PALM2AKAP2: variants seen among roughly 807,000 people sequenced by gnomAD.
PALM2AKAP2 encodes the protein PALM2 and AKAP2 fusion.
Under a neutral mutation model 71.5 loss-of-function variants are expected in PALM2AKAP2, and 37 were observed. The ratio of observed to expected loss-of-function variants is 0.52; its 90% CI spans 0.40 to 0.68. The LOEUF is 0.68. PALM2AKAP2 is among the 30% of genes least tolerant of loss of function. PALM2AKAP2 has a pLI of 0.00. For missense variants in PALM2AKAP2, 1,224 were observed against 1,191.8 expected (o/e 1.03, Z -0.40); for synonymous variants, 468 against 478.8 (o/e 0.98, Z 0.29).
intron 7 of PALM2AKAP2, chr9:110,025,400 T>C (rs1165484772): frequency 2.6e-5 from 4 of 154,180 alleles, no homozygotes; most frequent in Non-Finnish European, 5.1e-5. Flanking sequence ...CCCGAAAGGC[T>C]TTTTTTTTTT....
chr9:109,934,798 A>C (rs1172192632), intron 6 of PALM2AKAP2, among the ~76,000 whole-genome samples: 2 of 152,228 alleles, frequency 1.3e-5, no homozygotes, highest in Non-Finnish European at 1.5e-5. Context: ...TGAAATGTTC[A>C]GTCTGTTTCC....
At chr9:109,867,160 T>TTC (rs376077604) in intron 1 of PALM2AKAP2, 6,647 of 394,210 alleles carry the variant, frequency 0.017, 116 homozygotes, top group African/African-American at 0.034. Flanking sequence ...CAGAACATGG[T>TTC]TCTCTGTGTG....
chr9:109,700,115 A>C (rs952697536), intron 1 of PALM2AKAP2, among the ~76,000 whole-genome samples: 11 of 152,132 alleles, frequency 7.2e-5, no homozygotes, highest in African/African-American at 2.7e-4. Context: ...AATGGGAAGG[A>C]AGAGATATAA....
chr9:110,086,445 G>A (rs1834576245), intron 1 of PALM2AKAP2, among the ~76,000 whole-genome samples: 5 of 152,190 alleles, frequency 3.3e-5, no homozygotes, highest in Admixed American at 3.3e-4. Context: ...AAGCATGCTT[G>A]ATCAGACCTA....
At chr9:109,648,143 A>G (rs1045723609) in intron 1 of PALM2AKAP2, among the ~76,000 whole-genome samples, 1 of 152,144 alleles carries the variant, frequency 6.6e-6, no homozygotes, top group Non-Finnish European at 1.5e-5. Context: ...TCCTGCTGCC[A>G]TGTAAGACGT....
chr9:109,822,242 C>G (rs1404007045), intron 1 of PALM2AKAP2, among the ~76,000 whole-genome samples: 1 of 151,996 alleles, frequency 6.6e-6, no homozygotes, highest in East Asian at 1.9e-4. Flanking sequence ...TCTCTTTCAT[C>G]TCTCTTCCCA....
At chr9:109,663,382 CTG>C (rs1208106908) in intron 1 of PALM2AKAP2, among the ~76,000 whole-genome samples, 3 of 152,116 alleles carry the variant, frequency 2.0e-5, no homozygotes, top group Non-Finnish European at 4.4e-5. Context: ...TTCTGGTACA[CTG>C]TGTCTTTGTT....
chr9:109,691,907 C>CACACATATATATATAT (rs1189643061), intron 1 of PALM2AKAP2, among the ~76,000 whole-genome samples: 118 of 69,702 alleles, frequency 1.7e-3, no homozygotes, highest in Non-Finnish European at 2.5e-3. Context: ...TATATACACA[C>CACACATATATATATAT]ACACATATAT....
At chr9:110,037,394 C>T (rs773037915) in intron 7 of PALM2AKAP2, among the ~76,000 whole-genome samples, 5 of 152,188 alleles carry the variant, frequency 3.3e-5, no homozygotes, top group Admixed American at 6.5e-5. Context: ...TTAGTAGGGA[C>T]GGGGTTACTC....
chr9:109,768,635 T>C (rs746117475), intron 1 of PALM2AKAP2, among the ~76,000 whole-genome samples: 1 of 152,230 alleles, frequency 6.6e-6, no homozygotes, highest in African/African-American at 2.4e-5. Context: ...GCTCATCACC[T>C]GATATTATTA....
chr9:109,707,210 A>G, intron 1 of PALM2AKAP2, among the ~76,000 whole-genome samples: 1 of 151,904 alleles, frequency 6.6e-6, no homozygotes, highest in East Asian at 1.9e-4. Flanking sequence ...ATGGCAGTGG[A>G]CATGTGTCAT....
chr9:109,893,710 A>C (rs1276554085), intron 3 of PALM2AKAP2, among the ~76,000 whole-genome samples: 1 of 152,160 alleles, frequency 6.6e-6, no homozygotes, highest in Non-Finnish European at 1.5e-5. Context: ...AGCCTCCCAA[A>C]GTGCTGGGAT....
At chr9:109,670,191 T>C (rs1276630958) in intron 1 of PALM2AKAP2, among the ~76,000 whole-genome samples, 1 of 152,162 alleles carries the variant, frequency 6.6e-6, no homozygotes, top group Non-Finnish European at 1.5e-5. Flanking sequence ...CATGGGAGTT[T>C]GTTGTACAGA....
upstream of PALM2AKAP2, among the ~76,000 whole-genome samples, chr9:109,776,444 T>C (rs75605254): frequency 0.014 from 2,202 of 152,326 alleles, 63 homozygotes; most frequent in African/African-American, 0.05. Context: ...ACAGGAGAGA[T>C]GGAACGTCCA....
At chr9:109,780,678 C>A in intron 1 of PALM2AKAP2, 145 bp downstream of exon 1, 1 of 1,234,694 alleles carries the variant, frequency 8.1e-7, no homozygotes, top group Non-Finnish European at 1.1e-6. Flanking sequence ...CTCAGCTAGG[C>A]TGCCTTTTCT....
intron 1 of PALM2AKAP2, among the ~76,000 whole-genome samples, chr9:109,670,591 T>C (rs1316094600): frequency 6.6e-6 from 1 of 152,190 alleles, no homozygotes; most frequent in African/African-American, 2.4e-5. Context: ...TGCATGCTTA[T>C]GTTTTTATAA....
intron 1 of PALM2AKAP2, among the ~76,000 whole-genome samples, chr9:109,799,054 T>C (rs12683579): frequency 0.18 from 27,342 of 152,178 alleles, 2,836 homozygotes; most frequent in East Asian, 0.35. Flanking sequence ...GACCCAGTCC[T>C]AGCACCTCCT....
chr9:109,968,212 C>T (rs1268330047), intron 6 of PALM2AKAP2, among the ~76,000 whole-genome samples: 3 of 152,208 alleles, frequency 2.0e-5, no homozygotes, highest in Non-Finnish European at 4.4e-5. Flanking sequence ...TGCATTTGCT[C>T]AGAGGCCACC....
chr9:109,812,593 C>T (rs1353778863), intron 1 of PALM2AKAP2, among the ~76,000 whole-genome samples: 6 of 152,214 alleles, frequency 3.9e-5, no homozygotes. Flanking sequence ...AATGCCAGCA[C>T]ACCGTTTATT....
Sources: allele counts gnomAD v4.1 joint callset (sites outside exome capture counted in the v4.1 genomes callset), GRCh38; gene constraint gnomAD v4.1.1; transcripts MANE v1.5; gene names NCBI Gene and HGNC (gene_info 2026-07-23, HGNC 2026-07-21).